Variants in MYO6 observed in about 807,000 individuals in gnomAD.
The protein encoded by MYO6 is myosin VI, also known as unconventional myosin-VI.
Under a neutral mutation model 178.7 loss-of-function variants are expected in MYO6, and 74 were observed. That is an observed-to-expected ratio of 0.41 (90% CI 0.34 to 0.50). MYO6 has a LOEUF of 0.50. Among genes scored for constraint, MYO6 ranks in the 20% least tolerant of loss-of-function variants. The pLI, the probability that MYO6 is intolerant of heterozygous loss-of-function variation, is 0.09. For synonymous variants in MYO6, 477 were observed against 504.6 expected, an observed-to-expected ratio of 0.95 and a Z score of 0.73; for missense variants, 1,330 against 1,547.4, an observed-to-expected ratio of 0.86 and a Z score of 2.36.
Position 75,881,724 on chromosome 6 carries a change from T to C in MYO6, c.2322T>C (p.Pro774=), listed in dbSNP as rs947653207. ...TTGATCAGATCATGAAGTCTGACCC[T>C]GACCACTTAGCAGAGTTGGTTAAAA... ...AEFDQIMKSD[P]DHLAELVKRV... The change falls in exon 23 of 35, where the codon CCT becomes CCC. Residue 774 remains proline (P), a synonymous_variant. Transcript: ENST00000369977. 6.2e-7 allele frequency: 1 copy of C among 1,613,982 alleles called. No individual in the cohort carries two copies. Among genetic ancestry groups the C allele is most frequent in the Non-Finnish European group, 8.5e-7 (1 of 1,179,862 alleles).
intron 1 of MYO6, among the ~76,000 whole-genome samples, chr6:75,750,054 C>A (rs1232059849): frequency 6.6e-6 from 1 of 151,814 alleles, no homozygotes; most frequent in African/African-American, 2.4e-5. Context: ...GCTAGAACAT[C>A]CGTGTTTAAA....
At chr6:75,771,528 G>GA (rs1351637768) in intron 1 of MYO6, among the ~76,000 whole-genome samples, 9 of 152,226 alleles carry the variant, frequency 5.9e-5, no homozygotes, top group Admixed American at 5.2e-4. Context: ...AGTTTAGAGA[G>GA]AAAAAATCAG....
Position 75,892,658 on chromosome 6 carries a change from T to G in MYO6, c.3075T>G (p.Ser1025Arg). 1.2e-6 allele frequency: 2 copies of G among 1,612,606 alleles called. No individual in the cohort carries two copies. The highest frequency in any genetic ancestry group is 1.7e-6 in the Non-Finnish European group (2 of 1,179,978). The change falls in exon 28 of 35, where the codon AGT (serine) becomes AGG (arginine). Residue 1025 changes from serine to arginine, a missense_variant. By Grantham distance (110) the Ser-to-Arg change is moderately radical (BLOSUM62 -1). Transcript: ENST00000369977. ...RIAQSEAELI[S>R]DEAQADLALR... is the part of the protein sequence containing the mutation. ...CCCAGAGTGAAGCCGAGCTCATCAG[T>G]GATGAGGCCCAGGCCGACCTGGCGC...
At chr6:75,780,915 C>G (rs1766916815) in intron 1 of MYO6, among the ~76,000 whole-genome samples, 2 of 151,672 alleles carry the variant, frequency 1.3e-5, no homozygotes, top group African/African-American at 4.8e-5. Flanking sequence ...TCAAGTGATT[C>G]TCCTGCCCCA....
intron 6 of MYO6, among the ~76,000 whole-genome samples, chr6:75,834,725 A>G (rs1409591340): frequency 6.6e-6 from 1 of 150,490 alleles, no homozygotes; most frequent in African/African-American, 2.4e-5. Flanking sequence ...TGGTACTATG[A>G]AAGTTTGCTA....
At chr6:75,827,030 G>A (rs73462826) in intron 3 of MYO6, among the ~76,000 whole-genome samples, 107 of 152,340 alleles carry the variant, frequency 7.0e-4, no homozygotes, top group African/African-American at 2.5e-3. Flanking sequence ...GACACCATTG[G>A]TTAGGTGTTG....
intron 20 of MYO6, among the ~76,000 whole-genome samples, chr6:75,875,339 A>G (rs895709238): frequency 6.6e-6 from 1 of 152,214 alleles, no homozygotes; most frequent in Non-Finnish European, 1.5e-5. Context: ...CAGTGGCACA[A>G]TCATGGCTCA....
At chr6:75,759,994 G>T (rs745564826) in intron 1 of MYO6, among the ~76,000 whole-genome samples, 93 of 152,140 alleles carry the variant, frequency 6.1e-4, no homozygotes, top group Non-Finnish European at 8.1e-4. Context: ...AATCTTTAGT[G>T]ACTAAATTAA....
At chr6:75,912,436 C>CT (rs544215422) in intron 33 of MYO6, among the ~76,000 whole-genome samples, 71 of 152,082 alleles carry the variant, frequency 4.7e-4, no homozygotes, top group African/African-American at 1.7e-3. Context: ...CTTTTAATGT[C>CT]TGTGTCTTTG....
At chr6:75,853,995 C>A (rs1775515422) in intron 11 of MYO6, among the ~76,000 whole-genome samples, 1 of 152,048 alleles carries the variant, frequency 6.6e-6, no homozygotes, top group African/African-American at 2.4e-5. Context: ...GTAACTTATT[C>A]AAGGTCACAT....
intron 1 of MYO6, among the ~76,000 whole-genome samples, chr6:75,770,728 T>C (rs543196386): frequency 6.6e-6 from 1 of 152,168 alleles, no homozygotes; most frequent in Non-Finnish European, 1.5e-5. Flanking sequence ...CCACCAGCCA[T>C]GGCCTCCCAA....
chr6:75,783,623 T>A (rs1767215757), intron 1 of MYO6, among the ~76,000 whole-genome samples: 1 of 151,772 alleles, frequency 6.6e-6, no homozygotes, highest in African/African-American at 2.4e-5. Context: ...ATACCATAAT[T>A]AGTAAGGGCC....
chr6:75,803,269 C>T (rs1769671024), intron 1 of MYO6, among the ~76,000 whole-genome samples: 1 of 151,950 alleles, frequency 6.6e-6, no homozygotes, highest in Non-Finnish European at 1.5e-5. Flanking sequence ...TAATGACATA[C>T]TTGCTTTTTT....
chr6:75,824,561 C>T (rs1772238153), intron 3 of MYO6, among the ~76,000 whole-genome samples: 1 of 151,932 alleles, frequency 6.6e-6, no homozygotes, highest in Non-Finnish European at 1.5e-5. Context: ...CACACACACA[C>T]ACATGCACAC....
intron 1 of MYO6, among the ~76,000 whole-genome samples, chr6:75,769,786 G>A (rs1213328123): frequency 1.3e-5 from 2 of 152,210 alleles, no homozygotes; most frequent in African/African-American, 2.4e-5. Flanking sequence ...TGTAATCCCA[G>A]CTACTTGGGA....
intron 20 of MYO6, among the ~76,000 whole-genome samples, chr6:75,878,098 T>A (rs536005190): frequency 1.3e-5 from 2 of 152,320 alleles, no homozygotes; most frequent in Non-Finnish European, 2.9e-5. Flanking sequence ...TTAATGTGTT[T>A]CATTAATTAA....
intron 11 of MYO6, among the ~76,000 whole-genome samples, chr6:75,854,862 T>G (rs1471477138): frequency 6.6e-6 from 1 of 152,148 alleles, no homozygotes; most frequent in Admixed American, 6.5e-5. Flanking sequence ...TCAGTGTAGT[T>G]TGCTTATAGG....
rs1554222430 is a variant in MYO6 at position 75,908,541 on chromosome 6, T to C, written c.3326T>C (p.Leu1109Pro). The change falls in exon 32 of 35, where the codon CTA becomes CCA. Residue 1109 changes from leucine to proline, a missense_variant. Physicochemically the swap from Leu to Pro is moderately conservative, Grantham distance 98. This residue lies in a region of MYO6 where 601 missense variants were observed against 626.1 expected (regional missense o/e 0.96). Coordinates refer to ENST00000369977, the MANE Select transcript of MYO6 (RefSeq NM_004999.4). The part of the protein sequence containing the change: ...AACREEFHRR[L>P]KVYHAWKSKN... ...TGCAGAGAAGAATTTCATAGGAGAC[T>C]AAAAGTGTATCATGCTTGGAAATCT... is the stretch of plus-strand genomic sequence containing the variant. The C allele has an allele frequency of 6.2e-7, 1 of 1,613,564 alleles. No individual in the cohort carries two copies. The highest frequency in any genetic ancestry group is 8.5e-7 in the Non-Finnish European group (1 of 1,179,678).
intron 20 of MYO6, 29 bp from the exon 21 acceptor site, chr6:75,879,791 C>T (rs774656140): frequency 3.1e-6 from 5 of 1,614,072 alleles, no homozygotes; most frequent in Non-Finnish European, 4.2e-6. Flanking sequence ...CAGTGATTGA[C>T]AGTGCTTTGT....
Sources: allele counts gnomAD v4.1 joint callset (sites outside exome capture counted in the v4.1 genomes callset), GRCh38; gene constraint gnomAD v4.1.1; regional missense constraint gnomAD v4.1.1; transcripts MANE v1.5; gene names NCBI Gene and HGNC (gene_info 2026-07-23, HGNC 2026-07-21).